The following BMPR1B variants were observed in gnomAD, a reference collection of about 807,000 sequenced individuals.
BMPR1B encodes bone morphogenetic protein receptor type 1B.
In BMPR1B, 12 loss-of-function variants were observed where a neutral mutation model predicts 59.1. The ratio of observed to expected loss-of-function variants is 0.20; its 90% CI spans 0.13 to 0.33. BMPR1B has a LOEUF of 0.33. BMPR1B is among the 10% of genes least tolerant of loss of function. The pLI, the probability that BMPR1B is intolerant of heterozygous loss-of-function variation, is 1.00. For missense variants in BMPR1B, 550 were observed against 610.9 expected (o/e 0.90, Z 1.05); for synonymous variants, 237 against 207.3 (o/e 1.14, Z -1.23).
At chr4:95,053,471 T>C (rs1459624166) in intron 3 of BMPR1B, among the ~76,000 whole-genome samples, 1 of 152,140 alleles carries the variant, frequency 6.6e-6, no homozygotes, top group African/African-American at 2.4e-5. Flanking sequence ...TTGTCTCAAT[T>C]TTCACAACTG....
chr4:95,068,014 A>G (rs1266007599), intron 3 of BMPR1B, among the ~76,000 whole-genome samples: 1 of 152,172 alleles, frequency 6.6e-6, no homozygotes, highest in Non-Finnish European at 1.5e-5. Flanking sequence ...ACACCCAGAA[A>G]GATCTAAAAG....
intron 2 of BMPR1B, among the ~76,000 whole-genome samples, chr4:94,888,573 G>A (rs1049957005): frequency 1.3e-5 from 2 of 151,996 alleles, no homozygotes; most frequent in African/African-American, 4.8e-5. Flanking sequence ...AATTATAAGA[G>A]TTGGGTGCTG....
intron 1 of BMPR1B, among the ~76,000 whole-genome samples, chr4:94,867,215 CA>C: frequency 6.6e-6 from 1 of 152,248 alleles, no homozygotes; most frequent in East Asian, 1.9e-4. Flanking sequence ...CATTCTCAAG[CA>C]TGCCTCCAGA....
intron 1 of BMPR1B, among the ~76,000 whole-genome samples, chr4:94,759,393 C>T (rs1454355597): frequency 6.6e-6 from 1 of 152,202 alleles, no homozygotes; most frequent in East Asian, 1.9e-4. Flanking sequence ...AAAGGCTCCA[C>T]TGGAAATGAG....
chr4:95,079,795 C>T (rs1453380484), intron 3 of BMPR1B, among the ~76,000 whole-genome samples: 2 of 150,266 alleles, frequency 1.3e-5, no homozygotes, highest in African/African-American at 4.9e-5. Context: ...TGATAACTTA[C>T]AACCCAAAAC....
At chr4:94,960,270 A>G (rs1730303200) in intron 2 of BMPR1B, among the ~76,000 whole-genome samples, 1 of 151,958 alleles carries the variant, frequency 6.6e-6, no homozygotes, top group South Asian at 2.1e-4. Context: ...TAGTATTAAG[A>G]CTCTTGTTTA....
intron 3 of BMPR1B, among the ~76,000 whole-genome samples, chr4:95,071,995 A>T (rs1441264033): frequency 2.6e-5 from 4 of 152,030 alleles, no homozygotes; most frequent in Non-Finnish European, 4.4e-5. Flanking sequence ...CTGGAGGCTA[A>T]CAAGTCCCAA....
At chr4:94,962,401 G>C (rs1730404786) in intron 2 of BMPR1B, among the ~76,000 whole-genome samples, 1 of 152,116 alleles carries the variant, frequency 6.6e-6, no homozygotes, top group African/African-American at 2.4e-5. Flanking sequence ...GCCTCCCAAA[G>C]TGCTAGGATT....
intron 3 of BMPR1B, among the ~76,000 whole-genome samples, chr4:95,064,757 A>G (rs934591108): frequency 2.0e-5 from 3 of 152,222 alleles, no homozygotes; most frequent in Admixed American, 6.5e-5. Flanking sequence ...AATGTATACA[A>G]GTGGCTGACA....
At chr4:94,937,758 C>T (rs972805573) in intron 2 of BMPR1B, among the ~76,000 whole-genome samples, 3 of 138,646 alleles carry the variant, frequency 2.2e-5, no homozygotes, top group Non-Finnish European at 4.6e-5. Flanking sequence ...AATCCATACA[C>T]ACTGCAGGAG....
At chr4:94,904,230 C>T (rs1727945031) in intron 2 of BMPR1B, among the ~76,000 whole-genome samples, 2 of 151,892 alleles carry the variant, frequency 1.3e-5, no homozygotes, top group African/African-American at 4.8e-5. Flanking sequence ...AAATGCGTTC[C>T]GTTGCATAAG....
At chr4:95,086,835 T>C (rs1274058556) in intron 3 of BMPR1B, among the ~76,000 whole-genome samples, 1 of 152,178 alleles carries the variant, frequency 6.6e-6, no homozygotes, top group African/African-American at 2.4e-5. Flanking sequence ...TGTGTTCTCT[T>C]TGCTAACCTC....
At chr4:95,058,464 C>T (rs1326789524) in intron 3 of BMPR1B, among the ~76,000 whole-genome samples, 1 of 152,096 alleles carries the variant, frequency 6.6e-6, no homozygotes, top group Admixed American at 6.5e-5. Flanking sequence ...GAAATAGTGA[C>T]TTACACTACT....
At chr4:95,038,650 T>G (rs1725434810) in intron 3 of BMPR1B, among the ~76,000 whole-genome samples, 2 of 152,216 alleles carry the variant, frequency 1.3e-5, no homozygotes, top group African/African-American at 4.8e-5. Context: ...CATACCATTT[T>G]AATAAAAAAT....
Position 94,996,142 on chromosome 4 carries a change from A to G in BMPR1B, c.-18+8A>G, listed in dbSNP as rs987490645. The G allele has an allele frequency of 6.6e-6, 1 of 152,256 alleles. No homozygotes were observed. The allele number at this position is 152,256 out of a possible 1,614,324, so 9.4% of individuals were successfully genotyped here. The stretch of plus-strand genomic sequence containing the variant: ...CCTGCCATAAGTGAGAAGGTAAGTA[A>G]TTAGCCAGTTCAGTCTCGCTGTTAC... On this transcript the variant is annotated splice_region_variant and intron_variant, in intron 3 of 12. Transcript: ENST00000515059.
In BMPR1B at chr4:94,904,612, CATTCTTT is replaced by C. The variant is rs1727962097; in HGVS notation, c.-113+28713_-113+28719del. On this transcript the variant is annotated intron_variant, in intron 2 of 12. Coordinates refer to ENST00000515059, the MANE Select transcript of BMPR1B (RefSeq NM_001203.3). Reference sequence around the variant, plus strand: ...TGTAAACCTTTGTTCAGTTGTGAAACATTCTTTTGCTTATTCTAAAATGAAAGATGTG... The same window carrying C: ...TGTAAACCTTTGTTCAGTTGTGAAACTGCTTATTCTAAAATGAAAGATGTG... Among the ~76,000 whole-genome samples the C allele has an allele frequency of 2.6e-5, 4 of 152,070 alleles. No homozygotes were observed. The East Asian group carries it at 7.8e-4, about 29-fold the overall frequency.
At chr4:94,846,091 A>G (rs563970928) in intron 1 of BMPR1B, among the ~76,000 whole-genome samples, 28 of 152,350 alleles carry the variant, frequency 1.8e-4, no homozygotes, top group Admixed American at 1.8e-3. Context: ...TCAAAACAGC[A>G]TGGCACTGGC....
chr4:95,061,813 T>C (rs1449782532), intron 3 of BMPR1B, among the ~76,000 whole-genome samples: 1 of 152,142 alleles, frequency 6.6e-6, no homozygotes, highest in African/African-American at 2.4e-5. Flanking sequence ...TGGATTTGTG[T>C]CCCCACCTAA....
chr4:94,793,514 G>A (rs1578650103), intron 1 of BMPR1B, among the ~76,000 whole-genome samples: 2 of 150,214 alleles, frequency 1.3e-5, no homozygotes, highest in South Asian at 2.1e-4. Flanking sequence ...ATGATTTATA[G>A]TCCTTTGGGT....
Sources: allele counts gnomAD v4.1 joint callset (sites outside exome capture counted in the v4.1 genomes callset), GRCh38; gene constraint gnomAD v4.1.1; transcripts MANE v1.5; gene names NCBI Gene and HGNC (gene_info 2026-07-23, HGNC 2026-07-21).